Variants in ULK4 observed in about 807,000 individuals in gnomAD.
ULK4 encodes unc-51 like kinase 4.
In ULK4, 133 loss-of-function variants were observed where a neutral mutation model predicts 160.6. The observed-to-expected ratio is 0.83, with a 90% CI of 0.72 to 0.96. The LOEUF (loss-of-function observed/expected upper bound fraction) is 0.96. Ranked by LOEUF, ULK4 falls within the 40% of genes least tolerant of loss-of-function variation. The pLI is 0.00. For synonymous variants in ULK4, 534 were observed against 539.8 expected, an observed-to-expected ratio of 0.99 and a Z score of 0.15; for missense variants, 1,580 against 1,499.5, an observed-to-expected ratio of 1.05 and a Z score of -0.89.
At chr3:41,936,706 G>C (rs769243069) in intron 3 of ULK4, among the ~76,000 whole-genome samples, 17 of 152,216 alleles carry the variant, frequency 1.1e-4, no homozygotes, top group Middle Eastern at 3.4e-3. Flanking sequence ...TGTGGGAGCT[G>C]AAAATTAAAA....
At chr3:41,705,616 C>T (rs930637456) in intron 25 of ULK4, among the ~76,000 whole-genome samples, 4 of 152,074 alleles carry the variant, frequency 2.6e-5, no homozygotes, top group African/African-American at 9.7e-5. Context: ...CCCACCTCAG[C>T]CTCCTGAGTA....
intron 32 of ULK4, among the ~76,000 whole-genome samples, chr3:41,538,466 C>G (rs745824902): frequency 1.3e-5 from 2 of 152,190 alleles, no homozygotes; most frequent in Admixed American, 6.5e-5. Flanking sequence ...TTTGTTATTA[C>G]GTCATGACTT....
rs34377053 is a variant in ULK4 at position 41,746,296 on chromosome 3, AC to A, written c.2321+8064del. On this transcript the variant is annotated intron_variant, in intron 22 of 36. Transcript: ENST00000301831. ...ACAAAAAAAAAAAAAAAAAAAAAAA[AC>A]CACCTACAACTGATAAATGAGTTTA... Among the ~76,000 whole-genome samples, 97 of 143,310 alleles carry A rather than the reference AC, an allele frequency of 6.8e-4. 1 individual carries two copies. Among genetic ancestry groups the A allele is most frequent in the African/African-American group, 2.5e-3 (93 of 37,644 alleles). The allele number at this position is 143,310 out of a possible 152,430, so 94.0% of individuals were successfully genotyped here. A position where few individuals can be genotyped will look rare whatever the true frequency, so the allele number is the denominator to read the frequency against.
chr3:41,457,749 T>C (rs2083588527), intron 33 of ULK4, among the ~76,000 whole-genome samples: 1 of 152,190 alleles, frequency 6.6e-6, no homozygotes. Context: ...TGTCACAACA[T>C]CATGACTGTC....
rs765676178 is a variant in ULK4 at position 41,835,962 on chromosome 3, G to T, written c.1666C>A (p.Leu556Ile). 1.3e-6 allele frequency: 2 copies of T among 1,560,868 alleles called. No individual in the cohort carries two copies. Among genetic ancestry groups the T allele is most frequent in the South Asian group, 1.2e-5 (1 of 85,812 alleles). ...TTTTCCCTAATTAATTCAGTTAAGAGAACAATTGCCTGCAAAGACAAAAAA... is the reference window on the plus strand; with the variant it reads ...TTTTCCCTAATTAATTCAGTTAAGATAACAATTGCCTGCAAAGACAAAAAA... The part of the protein sequence containing the change: ...ENTPVVEAIV[L>I]LTELIRENFR... Residue 556 changes from leucine to isoleucine, a missense_variant, in exon 18 of 37, where the codon CTC (leucine) becomes ATC (isoleucine). Physicochemically the swap from Leu to Ile is conservative, Grantham distance 5 (BLOSUM62 2). Transcript: ENST00000301831.
intron 18 of ULK4, among the ~76,000 whole-genome samples, chr3:41,821,727 C>G (rs2041152760): frequency 6.6e-6 from 1 of 152,198 alleles, no homozygotes; most frequent in Non-Finnish European, 1.5e-5. Context: ...CCCTTGGCCC[C>G]TTTTCACAAC....
chr3:41,852,212 C>T lies in ULK4; in HGVS notation c.1657-16241G>A, dbSNP rs12491631. Among the ~76,000 whole-genome samples the T allele has an allele frequency of 3.5e-3, 528 of 152,192 alleles. 16 individuals are homozygous for T. The highest frequency in any genetic ancestry group is 0.032 in the Admixed American group (482 of 15,286). On this transcript the variant is annotated intron_variant, in intron 17 of 36. Transcript: ENST00000301831. ...GAAGAAGCTGAATCTCTGAATAGAC[C>T]AATAACAGGCTCTGAAATTGAGGCA...
chr3:41,455,351 T>C, intron 34 of ULK4, 146 bp downstream of exon 34: 2 of 684,024 alleles, frequency 2.9e-6, no homozygotes, highest in South Asian at 5.3e-5. Flanking sequence ...GATTTAGTTT[T>C]CCAGGCCAAA....
intron 19 of ULK4, among the ~76,000 whole-genome samples, chr3:41,802,216 AAAG>A (rs1326754248): frequency 3.3e-5 from 5 of 152,220 alleles, no homozygotes; most frequent in African/African-American, 9.6e-5. Flanking sequence ...ACAAAAGAAC[AAAG>A]AATAAAAAAG....
chr3:41,520,770 G>A (rs2643964), intron 32 of ULK4, among the ~76,000 whole-genome samples: 64,144 of 151,926 alleles, frequency 0.42, 15,012 homozygotes, highest in Non-Finnish European at 0.52. Flanking sequence ...AGGTGAAGTG[G>A]TATCTCATTG....
intron 32 of ULK4, among the ~76,000 whole-genome samples, chr3:41,481,927 A>C (rs1194897493): frequency 6.6e-6 from 1 of 152,140 alleles, no homozygotes; most frequent in Non-Finnish European, 1.5e-5. Context: ...CCTTTATCAC[A>C]AACCCTTGTA....
chr3:41,456,438 C>G (rs2083555667), intron 33 of ULK4, among the ~76,000 whole-genome samples: 1 of 152,172 alleles, frequency 6.6e-6, no homozygotes, highest in African/African-American at 2.4e-5. Context: ...CATACATATG[C>G]TCAAATAACA....
At chr3:41,409,318 A>C (rs1451172709) in intron 34 of ULK4, among the ~76,000 whole-genome samples, 1 of 152,206 alleles carries the variant, frequency 6.6e-6, no homozygotes, top group Non-Finnish European at 1.5e-5. Flanking sequence ...TTGTGACCTT[A>C]GGTTAGACAA....
chr3:41,745,440 A>C (rs2125885696), intron 22 of ULK4, among the ~76,000 whole-genome samples: 1 of 151,888 alleles, frequency 6.6e-6, no homozygotes, highest in Non-Finnish European at 1.5e-5. Flanking sequence ...TAAACTACCA[A>C]AACTTGACCT....
At chr3:41,744,955 A>G (rs2038369298) in intron 22 of ULK4, among the ~76,000 whole-genome samples, 2 of 151,740 alleles carry the variant, frequency 1.3e-5, no homozygotes, top group Non-Finnish European at 2.9e-5. Context: ...AGACATCCCT[A>G]AATAATACAT....
At position 41,399,861 on chromosome 3, in the gene ULK4, C is replaced by T. The variant is rs146272253; in HGVS notation, c.3493-1597G>A. Among the ~76,000 whole-genome samples, 370 of 152,270 alleles carry T rather than the reference C, an allele frequency of 2.4e-3. 3 individuals carry two copies. Among genetic ancestry groups the T allele is most frequent in the Middle Eastern group, 0.01 (3 of 294 alleles). On this transcript the variant is annotated intron_variant, in intron 34 of 36. Coordinates refer to ENST00000301831, the MANE Select transcript of ULK4 (RefSeq NM_017886.4). ...CAAGCAATCCTCCTGCCTTGTCTTCCTCCAAAGTGCTGAGAGTACAGGCAA... is the reference window on the plus strand; with the variant it reads ...CAAGCAATCCTCCTGCCTTGTCTTCTTCCAAAGTGCTGAGAGTACAGGCAA...
intron 32 of ULK4, among the ~76,000 whole-genome samples, chr3:41,539,107 C>T (rs1490554191): frequency 6.7e-6 from 1 of 149,906 alleles, no homozygotes; most frequent in Non-Finnish European, 1.5e-5. Flanking sequence ...TCATAAATCT[C>T]CTAAAATTCA....
chr3:41,622,078 T>C (rs983598980), intron 30 of ULK4, among the ~76,000 whole-genome samples: 6 of 152,134 alleles, frequency 3.9e-5, no homozygotes, highest in African/African-American at 1.2e-4. Flanking sequence ...CTCAAGCCAG[T>C]TGGAATGGCA....
chr3:41,391,272 A>G (rs2125807362), intron 35 of ULK4, among the ~76,000 whole-genome samples: 1 of 152,226 alleles, frequency 6.6e-6, no homozygotes, highest in African/African-American at 2.4e-5. Flanking sequence ...AACGCTTAAG[A>G]GCATCCTCTC....
Sources: gnomAD v4.1 joint callset for allele counts (sites outside exome capture counted in the v4.1 genomes callset) on GRCh38, gnomAD v4.1.1 for gene constraint, MANE v1.5 for transcripts, NCBI Gene and HGNC (gene_info 2026-07-23, HGNC 2026-07-21) for gene names.